CLTCL1: variants seen among roughly 807,000 people sequenced by gnomAD.
CLTCL1 encodes the protein clathrin heavy chain like 1.
A neutral mutation model predicts 190.0 loss-of-function variants in CLTCL1; 159 were observed. The ratio of observed to expected loss-of-function variants is 0.84; its 90% CI spans 0.74 to 0.95. The LOEUF is 0.95. Ranked by LOEUF, CLTCL1 falls within the 40% of genes least tolerant of loss-of-function variation. The pLI is 0.00. For synonymous variants in CLTCL1, 752 were observed against 769.6 expected (o/e 0.98, Z 0.38); for missense variants, 1,878 against 2,033.4 (o/e 0.92, Z 1.47).
chr22:19,240,438 G>A (rs2086217894), intron 4 of CLTCL1, among the ~76,000 whole-genome samples: 1 of 152,060 alleles, frequency 6.6e-6, no homozygotes, highest in Admixed American at 6.6e-5. Context: ...CGGGCAGAGA[G>A]AGGAGGGAAA....
Position 19,184,637 on chromosome 22 carries a change from G to A in CLTCL1, c.4606-1026C>T, listed in dbSNP as rs9618502. On this transcript the variant is annotated intron_variant, in intron 29 of 32. Coordinates refer to ENST00000427926, the MANE Select transcript of CLTCL1 (RefSeq NM_007098.4). ...ACGCCCGCTCATCTGTCTCCCTGCC[G>A]TGCCCTCCACCGGCCCAGCCTACCC... is the stretch of plus-strand genomic sequence containing the variant. The A allele has an allele frequency of 5.1e-3, 2,312 of 448,990 alleles. 42 individuals are homozygous for A. Among genetic ancestry groups the A allele is most frequent in the African/African-American group, 0.042 (2,099 of 50,002 alleles). 27.8% of individuals were successfully genotyped at this position (448,990 alleles called of 1,614,324 possible).
intron 20 of CLTCL1, 53 bp downstream of exon 20, chr22:19,210,273 T>C: frequency 6.4e-7 from 1 of 1,570,770 alleles, no homozygotes. Flanking sequence ...CAGGGCGCAC[T>C]CATGATGTGG....
At chr22:19,187,755 A>G in intron 28 of CLTCL1, 27 bp from the exon 29 acceptor site, 1 of 1,609,096 alleles carries the variant, frequency 6.2e-7, no homozygotes. Flanking sequence ...TCTGTGAGGG[A>G]TGGGACACTG....
chr22:19,275,802 T>A lies in CLTCL1; in HGVS notation c.71A>T (p.Asn24Ile). ...QLQNLGINPA[N>I]IGFSTLTMES... The stretch of plus-strand genomic sequence containing the variant: ...CATGGTCAGTGTGCTGAATCCAATG[T>A]TAGCTGGATTAATTCCAAGGTTTTG... Residue 24 changes from asparagine to isoleucine, a missense_variant, in exon 2 of 33, where the codon AAC becomes ATC. Asn to Ile is a moderately radical substitution (Grantham distance 149). Transcript: ENST00000427926. The A allele has an allele frequency of 6.2e-7, 1 of 1,604,836 alleles. No individual in the cohort carries two copies. The highest frequency in any genetic ancestry group is 8.5e-7 in the Non-Finnish European group (1 of 1,175,532).
chr22:19,193,163 G>A (rs1468748585), intron 26 of CLTCL1, among the ~76,000 whole-genome samples: 22 of 152,254 alleles, frequency 1.4e-4, no homozygotes, highest in Admixed American at 1.0e-3. Context: ...CAGGTATCAC[G>A]CGAGTGGACA....
chr22:19,269,799 G>T (rs1222257505), intron 2 of CLTCL1, among the ~76,000 whole-genome samples: 1 of 152,192 alleles, frequency 6.6e-6, no homozygotes, highest in Admixed American at 6.6e-5. Flanking sequence ...GGGGCGAAGA[G>T]AGAGAGAGCA....
chr22:19,225,078 G>C (rs1158899263), intron 13 of CLTCL1, among the ~76,000 whole-genome samples: 1 of 152,152 alleles, frequency 6.6e-6, no homozygotes, highest in African/African-American at 2.4e-5. Context: ...TCTCATTTAG[G>C]AGAGGCCCAA....
At chr22:19,247,128 C>T (rs568564537) in intron 3 of CLTCL1, among the ~76,000 whole-genome samples, 3 of 152,220 alleles carry the variant, frequency 2.0e-5, no homozygotes, top group East Asian at 3.9e-4. Context: ...TGTAGTTTTA[C>T]CTTCTACATT....
chr22:19,244,495 C>T (rs913229877), intron 3 of CLTCL1, among the ~76,000 whole-genome samples: 2 of 152,092 alleles, frequency 1.3e-5, no homozygotes, highest in Admixed American at 6.6e-5. Flanking sequence ...GAAAAATGAG[C>T]ATGGAAAGGT....
At chr22:19,234,360 G>T in intron 7 of CLTCL1, 149 bp downstream of exon 7, 1 of 661,778 alleles carries the variant, frequency 1.5e-6, no homozygotes, top group Non-Finnish European at 2.5e-6. Context: ...TTACTGTTAT[G>T]CCATTGGTGC....
chr22:19,204,349 C>T (rs1253312581), intron 22 of CLTCL1, among the ~76,000 whole-genome samples: 1 of 152,178 alleles, frequency 6.6e-6, no homozygotes, highest in Non-Finnish European at 1.5e-5. Flanking sequence ...AGGATCCTTG[C>T]ACTTGCCCCG....
chr22:19,276,749 A>G (rs2087520764), intron 1 of CLTCL1, among the ~76,000 whole-genome samples: 1 of 152,050 alleles, frequency 6.6e-6, no homozygotes, highest in Admixed American at 6.6e-5. Context: ...GGCTCACTGC[A>G]AGCTCCGCCT....
intron 11 of CLTCL1, 83 bp from the exon 12 acceptor site, chr22:19,226,466 A>ATACCCTACCCT: frequency 6.5e-7 from 1 of 1,532,176 alleles, no homozygotes; most frequent in Non-Finnish European, 8.9e-7. Context: ...GCCCCAGGGT[A>ATACCCTACCCT]GGGTATAGCC....
intron 2 of CLTCL1, among the ~76,000 whole-genome samples, chr22:19,269,947 T>TAAAAAAA (rs35826599): frequency 7.2e-6 from 1 of 138,270 alleles, no homozygotes. Context: ...AAAGTAAAAT[T>TAAAAAAA]AAAAAAAAAA....
At chr22:19,286,619 G>A (rs541705994) in intron 1 of CLTCL1, among the ~76,000 whole-genome samples, 2 of 152,126 alleles carry the variant, frequency 1.3e-5, no homozygotes, top group Non-Finnish European at 2.9e-5. Context: ...AGACACACAC[G>A]GGTGTGTGTG....
chr22:19,287,984 A>G (rs1356850183), intron 1 of CLTCL1, among the ~76,000 whole-genome samples: 1 of 152,148 alleles, frequency 6.6e-6, no homozygotes, highest in Non-Finnish European at 1.5e-5. Flanking sequence ...TATTAAATGT[A>G]AGACCCCAGA....
chr22:19,207,680 T>C, intron 22 of CLTCL1: 1 of 469,736 alleles, frequency 2.1e-6, no homozygotes, highest in East Asian at 3.2e-5. Context: ...CATCTGTATT[T>C]ACAGCTGCTC....
intron 26 of CLTCL1, among the ~76,000 whole-genome samples, chr22:19,192,806 C>A (rs1361644926): frequency 6.6e-6 from 1 of 152,232 alleles, no homozygotes; most frequent in African/African-American, 2.4e-5. Flanking sequence ...AAACGGTGAA[C>A]TGGCCGCATC....
At chr22:19,220,756 G>A (rs932378469) in intron 17 of CLTCL1, among the ~76,000 whole-genome samples, 1 of 152,202 alleles carries the variant, frequency 6.6e-6, no homozygotes, top group African/African-American at 2.4e-5. Context: ...CCTCACAGGT[G>A]CCCTATTCAT....
Sources: allele counts gnomAD v4.1 joint callset (sites outside exome capture counted in the v4.1 genomes callset), GRCh38; gene constraint gnomAD v4.1.1; transcripts MANE v1.5; gene names NCBI Gene and HGNC (gene_info 2026-07-23, HGNC 2026-07-21).